Variants in SH2B3 observed in about 807,000 individuals in gnomAD.
SH2B3 encodes the protein SH2B adapter protein 3.
SH2B3 carries 43 observed loss-of-function variants against 51.9 expected under a neutral mutation model. The ratio of observed to expected loss-of-function variants is 0.83; its 90% confidence interval spans 0.65 to 1.07. SH2B3 has a LOEUF of 1.07. Among genes scored for constraint, SH2B3 ranks in the 50% least tolerant of loss-of-function variants. The pLI is 0.00. For missense variants in SH2B3, 952 were observed against 834.3 expected, an observed-to-expected ratio of 1.14 and a Z score of -1.74; for synonymous variants, 396 against 376.0, an observed-to-expected ratio of 1.05 and a Z score of -0.62.
At chr12:111,411,474 A>C (rs886544882) in intron 1 of SH2B3, among the ~76,000 whole-genome samples, 1 of 152,122 alleles carries the variant, frequency 6.6e-6, no homozygotes, top group African/African-American at 2.4e-5. Context: ...CCCGAATTAT[A>C]CTATTATCCA....
chr12:111,447,569 G>A, intron 6 of SH2B3, 25 bp downstream of exon 6: 1 of 1,510,064 alleles, frequency 6.6e-7, no homozygotes, highest in Non-Finnish European at 9.0e-7. Context: ...GGGGTGGGGT[G>A]GGGCAGGCAG....
chr12:111,426,381 T>G (rs553538738), intron 2 of SH2B3, among the ~76,000 whole-genome samples: 119 of 147,972 alleles, frequency 8.0e-4, no homozygotes, highest in African/African-American at 3.2e-3. Context: ...CGTTTTTCTT[T>G]TATCTTTTTT....
chr12:111,424,101 A>C (rs1420569299), intron 2 of SH2B3, among the ~76,000 whole-genome samples: 2 of 152,226 alleles, frequency 1.3e-5, no homozygotes, highest in African/African-American at 4.8e-5. Flanking sequence ...GACAAGAGCG[A>C]AACTCCATCT....
rs537521882 is a variant in SH2B3, at chr12:111,440,553, G to A, written c.733-6200G>A. Reference sequence around the variant, plus strand: ...ACACAGCAGATGCTCACTAAAGGGTGGTGTGGGGTCTGTGAGCGTCATTTC... The same window carrying A: ...ACACAGCAGATGCTCACTAAAGGGTAGTGTGGGGTCTGTGAGCGTCATTTC... On this transcript the variant is annotated intron_variant, in intron 2 of 7. Coordinates refer to ENST00000341259, the MANE Select transcript of SH2B3 (RefSeq NM_005475.3). Among the ~76,000 whole-genome samples the A allele has an allele frequency of 6.6e-5, 10 of 152,372 alleles. No individual in the cohort carries two copies. The South Asian group carries it at 2.1e-3, about 32-fold the overall frequency.
At chr12:111,414,416 AC>A (rs1414511672) in intron 1 of SH2B3, among the ~76,000 whole-genome samples, 1 of 151,950 alleles carries the variant, frequency 6.6e-6, no homozygotes, top group African/African-American at 2.4e-5. Flanking sequence ...ACATAGTGAG[AC>A]CCCATCTCTA....
chr12:111,405,712 G>A (rs75390213), upstream of SH2B3, among the ~76,000 whole-genome samples: 2,551 of 152,268 alleles, frequency 0.017, 77 homozygotes, highest in African/African-American at 0.056. This position sits in a 1 kb window ranked among gnomAD's most constrained non-coding sequence, Gnocchi z 5.4. Context: ...CCGGACCCGC[G>A]CCAGGAGAGC....
Position 111,418,191 on chromosome 12 carries a change from T to C in SH2B3, c.46T>C (p.Ser16Pro). Reference protein sequence around the residue: ...LQPSSPSSAPSASPAAAPRGW... With the variant: ...LQPSSPSSAPPASPAAAPRGW... ...GCCCTCCTCGCCCTCTTCCGCGCCC[T>C]CAGCCTCCCCGGCGGCGGCCCCGCG... Residue 16 changes from serine (S) to proline (P), a missense_variant, in exon 2 of 8, where the codon TCA becomes CCA. Coordinates refer to ENST00000341259, the MANE Select transcript of SH2B3 (RefSeq NM_005475.3). The surrounding 1 kb of genome is among the most constrained non-coding windows in gnomAD (Gnocchi z 6.7). 2.5e-6 allele frequency: 4 copies of C among 1,571,162 alleles called. No individual in the cohort carries two copies. The highest frequency in any genetic ancestry group is 2.6e-6 in the Non-Finnish European group (3 of 1,169,888).
At chr12:111,441,196 C>T (rs1014113662) in intron 2 of SH2B3, among the ~76,000 whole-genome samples, 18 of 151,798 alleles carry the variant, frequency 1.2e-4, no homozygotes, top group African/African-American at 3.4e-4. Context: ...GACAACATAG[C>T]GAGATCCTAT....
chr12:111,408,032 G>GGTA (rs937010501), intron 1 of SH2B3, among the ~76,000 whole-genome samples: 2 of 152,182 alleles, frequency 1.3e-5, no homozygotes, highest in African/African-American at 4.8e-5. Flanking sequence ...TGGTGGTGGT[G>GGTA]GTAGTGGTGA....
chr12:111,448,430 C>G lies in SH2B3; in HGVS notation c.*128C>G. ...TAAGGGACACTGTTAACTGCTCGTG[C>G]CAGTTTGGAAGTGACCCTTCTATTA... On this transcript the variant is annotated 3_prime_UTR_variant, in exon 8 of 8. Transcript: ENST00000341259. 2.6e-6 allele frequency: 2 copies of G among 765,696 alleles called. No individual in the cohort carries two copies. The highest frequency in any genetic ancestry group is 5.4e-5 in the East Asian group (2 of 36,938). The allele number at this position is 765,696 out of a possible 1,614,324, so 47.4% of individuals were successfully genotyped here. A position where few individuals can be genotyped will look rare whatever the true frequency, so the allele number is the denominator to read the frequency against.
chr12:111,430,648 T>A (rs932994757), intron 2 of SH2B3, among the ~76,000 whole-genome samples: 4 of 152,016 alleles, frequency 2.6e-5, no homozygotes, highest in Admixed American at 1.3e-4. Context: ...CAGGGTCAGG[T>A]TCAGATCTTG....
rs1191883512 is a variant in SH2B3 at position 111,449,977 on chromosome 12, A to C, written c.*1675A>C. 3 of 149,446 alleles carry C rather than the reference A, an allele frequency of 2.0e-5. No individual in the cohort carries two copies. Among genetic ancestry groups the C allele is most frequent in the Non-Finnish European group, 4.4e-5 (3 of 67,590 alleles). The allele number at this position is 149,446 out of a possible 1,614,324, so 9.3% of individuals were successfully genotyped here. A position where few individuals can be genotyped will look rare whatever the true frequency, so the allele number is the denominator to read the frequency against. On this transcript the variant is annotated 3_prime_UTR_variant, in exon 8 of 8. Transcript: ENST00000341259. ...GAGTTTCTCTTGTCAACCGGGCTGG[A>C]GTGCAGTGGTGCAATCTTGGCTCAC...
In SH2B3 at chr12:111,417,101, C is replaced by T. The variant is rs923767813; in HGVS notation, c.-27-1018C>T. 2.6e-5 allele frequency among the ~76,000 whole-genome samples: 4 copies of T among 152,212 alleles called. No homozygotes were observed. In the East Asian group the frequency reaches 7.7e-4, roughly 29 times the overall value. Reference sequence around the variant, plus strand: ...TCGCTTAGTGAATAGCCCTGGAGCTCTCCCAGAGGTGGTGGGGTGGGTCTT... The same window carrying T: ...TCGCTTAGTGAATAGCCCTGGAGCTTTCCCAGAGGTGGTGGGGTGGGTCTT... On this transcript the variant is annotated intron_variant, in intron 1 of 7. Coordinates refer to ENST00000341259, the MANE Select transcript of SH2B3 (RefSeq NM_005475.3).
intron 2 of SH2B3, among the ~76,000 whole-genome samples, chr12:111,428,848 C>G (rs1803674029): frequency 1.3e-5 from 2 of 152,084 alleles, no homozygotes; most frequent in Non-Finnish European, 2.9e-5. Context: ...ACCTCCTTTA[C>G]AGAGGAGGAA....
At chr12:111,433,323 C>G (rs1248644195) in intron 2 of SH2B3, among the ~76,000 whole-genome samples, 1 of 152,030 alleles carries the variant, frequency 6.6e-6, no homozygotes, top group African/African-American at 2.4e-5. Flanking sequence ...TGCACTCCAG[C>G]CTGGGAAACA....
At chr12:111,412,357 G>A (rs1194097504) in intron 1 of SH2B3, among the ~76,000 whole-genome samples, 1 of 152,106 alleles carries the variant, frequency 6.6e-6, no homozygotes, top group Non-Finnish European at 1.5e-5. Context: ...GCAACTTCCT[G>A]CCCGGAGCAG....
At chr12:111,413,589 C>T (rs933642440) in intron 1 of SH2B3, among the ~76,000 whole-genome samples, 1 of 152,174 alleles carries the variant, frequency 6.6e-6, no homozygotes, top group African/African-American at 2.4e-5. Flanking sequence ...AGTTGGGCTT[C>T]AAGACTCTGA....
At chr12:111,408,716 C>A (rs1387056823) in intron 1 of SH2B3, among the ~76,000 whole-genome samples, 1 of 152,124 alleles carries the variant, frequency 6.6e-6, no homozygotes, top group Non-Finnish European at 1.5e-5. Context: ...CAGTCTGGGC[C>A]AATACAGCTC....
intron 2 of SH2B3, among the ~76,000 whole-genome samples, chr12:111,430,653 A>G (rs1872400217): frequency 3.3e-5 from 5 of 152,074 alleles, no homozygotes; most frequent in Admixed American, 3.3e-4. Flanking sequence ...TCAGGTTCAG[A>G]TCTTGGCTCT....
Sources: gnomAD v4.1 joint callset for allele counts (sites outside exome capture counted in the v4.1 genomes callset) on GRCh38, gnomAD v4.1.1 for gene constraint, Gnocchi (gnomAD v3.1) non-coding constraint, MANE v1.5 for transcripts, NCBI Gene and HGNC (gene_info 2026-07-23, HGNC 2026-07-21) for gene names.